BMPR1B: variants seen among roughly 807,000 people sequenced by gnomAD.
The protein encoded by BMPR1B is bone morphogenetic protein receptor type 1B.
BMPR1B carries 12 observed loss-of-function variants against 59.1 expected under a neutral mutation model. The ratio of observed to expected loss-of-function variants is 0.20; its 90% CI spans 0.13 to 0.33. The LOEUF (loss-of-function observed/expected upper bound fraction) is 0.33, where lower values mean the gene tolerates loss of function less well. BMPR1B is among the 10% of genes least tolerant of loss of function. The pLI is 1.00. For missense variants in BMPR1B, 550 were observed against 610.9 expected, an observed-to-expected ratio of 0.90 and a Z score of 1.05; for synonymous variants, 237 against 207.3, an observed-to-expected ratio of 1.14 and a Z score of -1.23.
chr4:94,947,820 GC>G (rs1398201624), intron 2 of BMPR1B, among the ~76,000 whole-genome samples: 1 of 152,120 alleles, frequency 6.6e-6, no homozygotes, highest in Non-Finnish European at 1.5e-5. Context: ...CTGAAAGGAG[GC>G]CTCCTCCCAC....
intron 1 of BMPR1B, among the ~76,000 whole-genome samples, chr4:94,872,043 CT>C (rs1376431596): frequency 2.6e-5 from 4 of 152,172 alleles, no homozygotes; most frequent in Non-Finnish European, 4.4e-5. Flanking sequence ...GTTTAATTGT[CT>C]TAATGCTATC....
chr4:94,866,424 C>T (rs1277192107), intron 1 of BMPR1B, among the ~76,000 whole-genome samples: 1 of 152,126 alleles, frequency 6.6e-6, no homozygotes, highest in African/African-American at 2.4e-5. Context: ...TGTCTTCTCT[C>T]TTTCTTCTCT....
Position 94,845,508 on chromosome 4 carries a change from A to G in BMPR1B, c.-182-30323A>G, listed in dbSNP as rs373024449. On this transcript the variant is annotated intron_variant, in intron 1 of 12. Transcript: ENST00000515059. ...CAGGTGCCCGCCACCACGCCCGGCTAATTTTTTGTATTTTTAGTAGAGACG... is the reference window on the plus strand; with the variant it reads ...CAGGTGCCCGCCACCACGCCCGGCTGATTTTTTGTATTTTTAGTAGAGACG... Among the ~76,000 whole-genome samples the G allele has an allele frequency of 1.6e-4, 24 of 152,084 alleles. No individual in the cohort carries two copies. In the East Asian group the frequency reaches 2.7e-3, roughly 17 times the overall value.
chr4:95,092,756 T>C (rs1377641034), intron 3 of BMPR1B, among the ~76,000 whole-genome samples: 2 of 148,566 alleles, frequency 1.3e-5, no homozygotes, highest in Non-Finnish European at 3.0e-5. Context: ...ACACGGTGAT[T>C]TGGTTTCTGG....
intron 2 of BMPR1B, among the ~76,000 whole-genome samples, chr4:94,967,239 T>C (rs1219837374): frequency 1.5e-4 from 23 of 152,174 alleles, no homozygotes; most frequent in Admixed American, 1.2e-3. Context: ...TAAGTAGAAG[T>C]AGAAACACCT....
chr4:94,864,596 G>T (rs1726131769), intron 1 of BMPR1B, among the ~76,000 whole-genome samples: 1 of 152,122 alleles, frequency 6.6e-6, no homozygotes, highest in Non-Finnish European at 1.5e-5. Context: ...AAAACAAATT[G>T]TATGTAAGTT....
rs535859845 is a variant in BMPR1B at position 95,129,125 on chromosome 4, G to A, written c.586-737G>A. Among the ~76,000 whole-genome samples, 100 of 152,226 alleles carry A rather than the reference G, an allele frequency of 6.6e-4. No homozygotes were observed. The Middle Eastern group carries it at 0.017, about 26-fold the overall frequency. Reference sequence around the variant, plus strand: ...AGTACTATTATCCCGCCATAGTCACGGCATGAAAAGTATTCTGCAAATGGT... The same window carrying A: ...AGTACTATTATCCCGCCATAGTCACAGCATGAAAAGTATTCTGCAAATGGT... On this transcript the variant is annotated intron_variant, in intron 8 of 12. Coordinates refer to ENST00000515059, the MANE Select transcript of BMPR1B (RefSeq NM_001203.3).
chr4:94,973,168 C>T (rs1730881753), intron 2 of BMPR1B, among the ~76,000 whole-genome samples: 1 of 152,164 alleles, frequency 6.6e-6, no homozygotes, highest in Non-Finnish European at 1.5e-5. Flanking sequence ...TGTTGCAGTG[C>T]TCTTTCAGCT....
In BMPR1B at chr4:95,136,393, A is replaced by T. The variant is rs1733789113; in HGVS notation, c.1076+4881A>T. Among the ~76,000 whole-genome samples the T allele has an allele frequency of 2.0e-5, 3 of 152,148 alleles. No individual in the cohort carries two copies. The South Asian group carries it at 6.2e-4, about 32-fold the overall frequency. On this transcript the variant is annotated intron_variant, in intron 10 of 12. Transcript: ENST00000515059. ...TCTCTTTTTTTGTTGTGTCTCTGCC[A>T]GGCTTTGGTATCAGGATGATGCTGG...
At chr4:95,123,567 G>C (rs1163966912) in intron 6 of BMPR1B, among the ~76,000 whole-genome samples, 1 of 152,114 alleles carries the variant, frequency 6.6e-6, no homozygotes, top group Admixed American at 6.6e-5. Flanking sequence ...TGTCGAGCCT[G>C]TTCCTTCCAG....
At chr4:95,044,852 G>T (rs891528525) in intron 3 of BMPR1B, among the ~76,000 whole-genome samples, 1 of 152,072 alleles carries the variant, frequency 6.6e-6, no homozygotes, top group Non-Finnish European at 1.5e-5. Flanking sequence ...AAAAGTTTTT[G>T]TACTGTGGGC....
rs1363990765 is a variant in BMPR1B, at chr4:95,134,899, C to T, written c.1076+3387C>T. 1.2e-4 allele frequency among the ~76,000 whole-genome samples: 19 copies of T among 152,248 alleles called. No homozygotes were observed. In the East Asian group the frequency reaches 3.3e-3, roughly 26 times the overall value. ...CATTTGTCAATTTTGGCTTTTGTTG[C>T]CATTGCTTTTGGTGTTTTAGACATG... On this transcript the variant is annotated intron_variant, in intron 10 of 12. Transcript: ENST00000515059.
intron 3 of BMPR1B, among the ~76,000 whole-genome samples, chr4:95,090,819 G>A (rs1729924036): frequency 6.6e-6 from 1 of 151,996 alleles, no homozygotes. Context: ...GGATAGCTGT[G>A]TCTCAAATAT....
At chr4:95,078,200 A>C (rs2149229968) in intron 3 of BMPR1B, among the ~76,000 whole-genome samples, 1 of 152,356 alleles carries the variant, frequency 6.6e-6, no homozygotes, top group African/African-American at 2.4e-5. Context: ...AATATGAATT[A>C]GTACCAGTAG....
intron 1 of BMPR1B, among the ~76,000 whole-genome samples, chr4:94,802,956 A>C (rs946896926): frequency 6.6e-6 from 1 of 152,082 alleles, no homozygotes; most frequent in Non-Finnish European, 1.5e-5. Context: ...TGTGGAGTGC[A>C]GAGTATTGAC....
At chr4:94,890,767 T>C (rs1727361880) in intron 2 of BMPR1B, among the ~76,000 whole-genome samples, 1 of 151,976 alleles carries the variant, frequency 6.6e-6, no homozygotes, top group Non-Finnish European at 1.5e-5. Context: ...CTCTGGTGGC[T>C]CTTCTTGTAA....
chr4:94,876,947 A>G (rs981123335), intron 2 of BMPR1B, among the ~76,000 whole-genome samples: 1 of 152,206 alleles, frequency 6.6e-6, no homozygotes, highest in Non-Finnish European at 1.5e-5. Context: ...TGCTTGCTTA[A>G]AAATAACCAT....
intron 2 of BMPR1B, among the ~76,000 whole-genome samples, chr4:94,940,190 AATATGGCTTATGGC>A (rs1729456199): frequency 6.6e-6 from 1 of 152,222 alleles, no homozygotes. Flanking sequence ...AGGCATTTTC[AATATGGCTTATGGC>A]AAGCTTGTCC....
At chr4:94,912,913 T>A (rs1728340995) in intron 2 of BMPR1B, among the ~76,000 whole-genome samples, 1 of 152,152 alleles carries the variant, frequency 6.6e-6, no homozygotes, top group African/African-American at 2.4e-5. Flanking sequence ...ATTCATTCTT[T>A]CATGTACACC....
Sources: gnomAD v4.1 joint callset for allele counts (sites outside exome capture counted in the v4.1 genomes callset) on GRCh38, gnomAD v4.1.1 for gene constraint, MANE v1.5 for transcripts, NCBI Gene and HGNC (gene_info 2026-07-23, HGNC 2026-07-21) for gene names.